Variants in ZFHX4 observed in about 807,000 individuals in gnomAD.
The protein encoded by ZFHX4 is zinc finger homeobox protein 4.
In ZFHX4, 56 loss-of-function variants were observed where a neutral mutation model predicts 267.6. The ratio of observed to expected loss-of-function variants is 0.21; its 90% CI spans 0.17 to 0.26. ZFHX4 has a LOEUF of 0.26. Ranked by LOEUF, ZFHX4 falls within the 10% of genes least tolerant of loss-of-function variation. The pLI is 1.00. For synonymous variants in ZFHX4, 1,778 were observed against 1,665.6 expected, an observed-to-expected ratio of 1.07 and a Z score of -1.64; for missense variants, 4,332 against 4,420.0, an observed-to-expected ratio of 0.98 and a Z score of 0.56.
chr8:76,732,778 T>G (rs920752516), intron 3 of ZFHX4, among the ~76,000 whole-genome samples: 1 of 152,194 alleles, frequency 6.6e-6, no homozygotes, highest in African/African-American at 2.4e-5. Flanking sequence ...GGATTCTCCA[T>G]TAGTTTGTTT....
chr8:76,757,479 TCAAC>T lies in ZFHX4; in HGVS notation c.3094-20726_3094-20723del, dbSNP rs376406782. On this transcript the variant is annotated intron_variant, in intron 3 of 10. Transcript: ENST00000651372. ...AGGGGCTTTATTCTGAGTGTGATGG[TCAAC>T]CACTGGAGACTTTTAAGATGAAGTT... is the stretch of plus-strand genomic sequence containing the variant. Among the ~76,000 whole-genome samples the T allele has an allele frequency of 2.0e-4, 31 of 152,276 alleles. 1 individual carries two copies. Among genetic ancestry groups the T allele is most frequent in the South Asian group, 4.1e-4 (2 of 4,824 alleles).
chr8:76,722,338 TTGAC>T (rs1431993904), intron 3 of ZFHX4, among the ~76,000 whole-genome samples: 1 of 152,076 alleles, frequency 6.6e-6, no homozygotes, highest in Non-Finnish European at 1.5e-5. Flanking sequence ...AACTGAAAGA[TTGAC>T]TGCCTACTTC....
In ZFHX4 at chr8:76,706,085, A is replaced by G. The variant is rs1425005016; in HGVS notation, c.1997A>G (p.Lys666Arg). The G allele has an allele frequency of 1.2e-6, 2 of 1,613,598 alleles. No individual in the cohort carries two copies. Among genetic ancestry groups the G allele is most frequent in the Non-Finnish European group, 1.7e-6 (2 of 1,179,818 alleles). The change falls in exon 2 of 11, where the codon AAA becomes AGA. Residue 666 changes from lysine to arginine, a missense_variant. This residue lies in a region of ZFHX4 where 1,195 missense variants were observed against 1,173.6 expected (regional missense o/e 1.02). Transcript: ENST00000651372. The part of the protein sequence containing the change: ...QQTLEAHMKE[K>R]HPEPGGSCVY... ...ACCCTGGAGGCCCATATGAAGGAGA[A>G]ACACCCTGAGCCGGGTGGCTCTTGT...
chr8:76,813,342 A>G (rs187932962), intron 4 of ZFHX4, among the ~76,000 whole-genome samples: 275 of 152,260 alleles, frequency 1.8e-3, no homozygotes, highest in African/African-American at 6.4e-3. Flanking sequence ...AGTTTATTAT[A>G]AGAAGAAAAA....
At chr8:76,707,458 T>A in intron 2 of ZFHX4, 88 bp from the exon 3 acceptor site, 1 of 1,236,054 alleles carries the variant, frequency 8.1e-7, no homozygotes, top group Non-Finnish European at 1.1e-6. Flanking sequence ...GAAAGCACAT[T>A]CCTTGTCAAG....
intron 4 of ZFHX4, among the ~76,000 whole-genome samples, chr8:76,805,380 A>G (rs571231720): frequency 1.3e-5 from 2 of 152,156 alleles, no homozygotes; most frequent in Non-Finnish European, 2.9e-5. Flanking sequence ...AAGAAATCAG[A>G]TCATAAAGGA....
intron 3 of ZFHX4, among the ~76,000 whole-genome samples, chr8:76,732,773 C>T (rs1280233867): frequency 6.6e-6 from 1 of 152,160 alleles, no homozygotes; most frequent in Admixed American, 6.6e-5. Context: ...TCGAAGGATT[C>T]TCCATTAGTT....
intron 3 of ZFHX4, among the ~76,000 whole-genome samples, chr8:76,753,899 AT>A (rs1286220396): frequency 6.6e-6 from 1 of 151,956 alleles, no homozygotes; most frequent in Non-Finnish European, 1.5e-5. Context: ...AAGTTTTGGG[AT>A]CACCGGCATG....
At position 76,863,198 on chromosome 8, in the gene ZFHX4, C is replaced by T; in HGVS notation, c.9484C>T (p.Pro3162Ser). 1 of 1,565,088 alleles carries T rather than the reference C, an allele frequency of 6.4e-7. No individual in the cohort carries two copies. Residue 3162 changes from proline to serine, a missense_variant, in exon 11 of 11, where the codon CCA becomes TCA. Pro to Ser is a moderately conservative substitution (Grantham distance 74, BLOSUM62 -1). Coordinates refer to ENST00000651372, the MANE Select transcript of ZFHX4 (RefSeq NM_024721.5). ...SAPTKPLLQT[P>S]PPPPPPPPPP... ...CCCCACCAAACCTTTGCTGCAGACT[C>T]CACCACCTCCACCACCTCCTCCTCC... is the stretch of plus-strand genomic sequence containing the variant.
chr8:76,827,342 A>T (rs1272178257), intron 4 of ZFHX4, among the ~76,000 whole-genome samples: 1 of 152,204 alleles, frequency 6.6e-6, no homozygotes, highest in Non-Finnish European at 1.5e-5. Flanking sequence ...GCTTGCTTGC[A>T]GGAGCTCACC....
intron 4 of ZFHX4, among the ~76,000 whole-genome samples, chr8:76,807,478 G>T (rs560389737): frequency 3.0e-4 from 45 of 152,044 alleles, no homozygotes; most frequent in Non-Finnish European, 5.7e-4. Context: ...AATGAGTAGG[G>T]GGTTTCTGTT....
intron 3 of ZFHX4, among the ~76,000 whole-genome samples, chr8:76,731,766 A>G (rs957042633): frequency 6.6e-6 from 1 of 151,824 alleles, no homozygotes; most frequent in Non-Finnish European, 1.5e-5. Flanking sequence ...ATGAATGCTG[A>G]CCACACTGGA....
intron 4 of ZFHX4, among the ~76,000 whole-genome samples, chr8:76,784,564 C>A (rs1414590970): frequency 1.3e-5 from 2 of 151,892 alleles, no homozygotes; most frequent in Non-Finnish European, 2.9e-5. Context: ...GGAATAGATA[C>A]CCATGAATGA....
chr8:76,819,459 A>G (rs1811589247), intron 4 of ZFHX4, among the ~76,000 whole-genome samples: 2 of 152,084 alleles, frequency 1.3e-5, no homozygotes. Flanking sequence ...TTCAATATGT[A>G]CTCCTTGAAT....
intron 1 of ZFHX4, chr8:76,683,832 TGCG>T (rs1422177083): frequency 6.6e-6 from 1 of 151,680 alleles, no homozygotes; most frequent in African/African-American, 2.4e-5. Flanking sequence ...AGAGAGAGGC[TGCG>T]GCTGCCGCTG....
chr8:76,741,799 G>A (rs1159970033), intron 3 of ZFHX4, among the ~76,000 whole-genome samples: 2 of 152,084 alleles, frequency 1.3e-5, no homozygotes, highest in African/African-American at 4.8e-5. Flanking sequence ...TTCAGAATGT[G>A]TATATTTTGG....
Position 76,705,314 on chromosome 8 carries a change from G to T in ZFHX4, c.1226G>T (p.Gly409Val), listed in dbSNP as rs746296385. The change falls in exon 2 of 11, where the codon GGG (glycine) becomes GTG (valine). Residue 409 changes from glycine (G) to valine (V), a missense_variant. Transcript: ENST00000651372. ...ATGCCAAAGGCTGAAGTGAATCTGGGGGGGCTGTCTAGTTTAGTAGTGAAC... is the reference window on the plus strand; with the variant it reads ...ATGCCAAAGGCTGAAGTGAATCTGGTGGGGCTGTCTAGTTTAGTAGTGAAC... ...TQMPKAEVNL[G>V]GLSSLVVNTP... 17 of 1,613,994 alleles carry T rather than the reference G, an allele frequency of 1.1e-5. No individual in the cohort carries two copies. Among genetic ancestry groups the T allele is most frequent in the Non-Finnish European group, 1.4e-5 (17 of 1,179,898 alleles).
Position 76,848,948 on chromosome 8 carries a change from G to C in ZFHX4, c.3512-47G>C, listed in dbSNP as rs555056759. ...TGAAAAACATAATTTTTCTCATTTC[G>C]GAATTGTGTTTTTAAATTGAATTGT... On this transcript the variant is annotated intron_variant, in intron 6 of 10. Coordinates refer to ENST00000651372, the MANE Select transcript of ZFHX4 (RefSeq NM_024721.5). 9.0e-6 allele frequency: 13 copies of C among 1,438,192 alleles called. No homozygotes were observed. The African/African-American group carries it at 1.9e-4, about 21-fold the overall frequency. The allele number at this position is 1,438,192 out of a possible 1,614,324, so 89.1% of individuals were successfully genotyped here. A position where few individuals can be genotyped will look rare whatever the true frequency, so the allele number is the denominator to read the frequency against.
Position 76,863,459 on chromosome 8 carries a change from G to A in ZFHX4, c.9745G>A (p.Ala3249Thr). ...DPIQLQALQNAIAGDPASFIG... is the reference protein window; with the variant it reads ...DPIQLQALQNTIAGDPASFIG... ...TATTCAGTTGCAGGCATTACAGAATGCAATTGCTGGTGACCCAGCTTCCTT... is the reference window on the plus strand; with the variant it reads ...TATTCAGTTGCAGGCATTACAGAATACAATTGCTGGTGACCCAGCTTCCTT... Residue 3249 changes from alanine to threonine, a missense_variant, in exon 11 of 11, where the codon GCA becomes ACA. By Grantham distance (58) the Ala-to-Thr change is moderately conservative. Around this residue, in one of 7 missense-constraint regions of ZFHX4, gnomAD observed 1,648 missense variants for 1,625.0 expected, o/e 1.01. Coordinates refer to ENST00000651372, the MANE Select transcript of ZFHX4 (RefSeq NM_024721.5). 1 of 1,613,778 alleles carries A rather than the reference G, an allele frequency of 6.2e-7. No homozygotes were observed. Among genetic ancestry groups the A allele is most frequent in the African/African-American group, 1.3e-5 (1 of 75,034 alleles).
Sources: gnomAD v4.1 joint callset for allele counts (sites outside exome capture counted in the v4.1 genomes callset) on GRCh38, gnomAD v4.1.1 for gene constraint, gnomAD v4.1.1 regional missense constraint, MANE v1.5 for transcripts, NCBI Gene and HGNC (gene_info 2026-07-23, HGNC 2026-07-21) for gene names.